The following SLC15A5 variants were observed in gnomAD, a reference collection of about 807,000 sequenced individuals.
SLC15A5 encodes Peptide/histidine transporter ENSP00000340402.
In SLC15A5, 58 loss-of-function variants were observed where a neutral mutation model predicts 56.1. The ratio of observed to expected loss-of-function variants is 1.03; its 90% CI spans 0.84 to 1.29. The LOEUF (loss-of-function observed/expected upper bound fraction) is 1.29, where lower values mean the gene tolerates loss of function less well. SLC15A5 is among the 50% of genes most tolerant of loss of function. The pLI is 0.00. For missense variants in SLC15A5, 681 were observed against 672.1 expected (o/e 1.01, Z -0.15); for synonymous variants, 264 against 250.5 (o/e 1.05, Z -0.51).
At chr12:16,218,935 A>T (rs1194327247) in intron 6 of SLC15A5, among the ~76,000 whole-genome samples, 1 of 152,150 alleles carries the variant, frequency 6.6e-6, no homozygotes, top group Non-Finnish European at 1.5e-5. Context: ...CTAACACATG[A>T]TGTAAATGTA....
At chr12:16,207,905 A>C (rs11056824) in intron 7 of SLC15A5, among the ~76,000 whole-genome samples, 6 of 151,892 alleles carry the variant, frequency 4.0e-5, no homozygotes, top group Non-Finnish European at 7.4e-5. Flanking sequence ...TGCCCACCTC[A>C]GCCTCCCAAA....
intron 6 of SLC15A5, among the ~76,000 whole-genome samples, chr12:16,218,523 C>T (rs1047653284): frequency 6.6e-6 from 1 of 152,154 alleles, no homozygotes; most frequent in Non-Finnish European, 1.5e-5. Context: ...TAGCCTACTA[C>T]ACACCTAGGC....
At chr12:16,221,435 A>G (rs1172926739) in intron 6 of SLC15A5, among the ~76,000 whole-genome samples, 1 of 152,198 alleles carries the variant, frequency 6.6e-6, no homozygotes, top group Non-Finnish European at 1.5e-5. Context: ...AACAGAGGAA[A>G]GGGAATTCTG....
intron 7 of SLC15A5, among the ~76,000 whole-genome samples, chr12:16,205,116 A>G (rs1591641033): frequency 6.6e-6 from 1 of 152,138 alleles, no homozygotes; most frequent in East Asian, 1.9e-4. Context: ...GGCCAAGAAT[A>G]TGACTAAGCA....
rs1565654531 is a variant in SLC15A5 at position 16,193,829 on chromosome 12, GAGAGAGAGAGAGAGA to G, written c.1592+501_1592+515del. 3.7e-3 allele frequency among the ~76,000 whole-genome samples: 456 copies of G among 124,742 alleles called. 12 individuals are homozygous for G. The highest frequency in any genetic ancestry group is 0.013 in the African/African-American group (427 of 33,594). The allele number at this position is 124,742 out of a possible 152,430, so 81.8% of individuals were successfully genotyped here. ...AGAGAGAGAGAGAGAGAGAGAGAGA[GAGAGAGAGAGAGAGA>G]GGCTGGCAATGGATGGGTGGATGGA... On this transcript the variant is annotated intron_variant, in intron 8 of 8. Transcript: ENST00000344941.
chr12:16,273,736 A>T (rs901744754), intron 1 of SLC15A5, among the ~76,000 whole-genome samples: 12 of 144,104 alleles, frequency 8.3e-5, no homozygotes, highest in Non-Finnish European at 1.4e-4. Flanking sequence ...AGTCAAATAA[A>T]TTTTTTTTTT....
intron 7 of SLC15A5, among the ~76,000 whole-genome samples, chr12:16,205,024 C>G (rs1864000116): frequency 6.6e-6 from 1 of 151,730 alleles, no homozygotes; most frequent in Non-Finnish European, 1.5e-5. Context: ...AAAATACTAG[C>G]AATAAATATG....
At chr12:16,212,960 T>G (rs1864097719) in intron 7 of SLC15A5, among the ~76,000 whole-genome samples, 1 of 152,256 alleles carries the variant, frequency 6.6e-6, no homozygotes, top group African/African-American at 2.4e-5. Flanking sequence ...AAAAAAAGTT[T>G]CAAATTTTAA....
intron 7 of SLC15A5, among the ~76,000 whole-genome samples, chr12:16,199,361 G>A (rs1427726108): frequency 1.4e-5 from 2 of 148,012 alleles, no homozygotes; most frequent in East Asian, 4.0e-4. Flanking sequence ...ACTATTTAGA[G>A]TAAGAGACAC....
intron 5 of SLC15A5, among the ~76,000 whole-genome samples, chr12:16,228,194 T>C (rs1409849321): frequency 2.0e-5 from 3 of 152,024 alleles, no homozygotes; most frequent in African/African-American, 4.8e-5. Flanking sequence ...GCTCAGGAAA[T>C]TGGGTGAATC....
At chr12:16,199,247 C>A (rs1863926652) in intron 7 of SLC15A5, among the ~76,000 whole-genome samples, 1 of 146,242 alleles carries the variant, frequency 6.8e-6, no homozygotes, top group Non-Finnish European at 1.5e-5. Context: ...TTTCCTTTCC[C>A]AGGCTGTGAG....
chr12:16,253,351 T>C (rs1864538142), intron 3 of SLC15A5, among the ~76,000 whole-genome samples: 1 of 152,014 alleles, frequency 6.6e-6, no homozygotes, highest in Non-Finnish European at 1.5e-5. Context: ...AGGCAACATA[T>C]GGAATGGGGG....
In SLC15A5 at chr12:16,269,760, C is replaced by T. The variant is rs1010869211; in HGVS notation, c.584+2801G>A. Among the ~76,000 whole-genome samples, 3 of 152,070 alleles carry T rather than the reference C, an allele frequency of 2.0e-5. No homozygotes were observed. Among genetic ancestry groups the T allele is most frequent in the Non-Finnish European group, 2.9e-5 (2 of 68,010 alleles). ...CATGTATATAATTCACCCTAGTAAC[C>T]CCTTAGCAACAGACTGTGATATGCA... On this transcript the variant is annotated intron_variant, in intron 2 of 8. Coordinates refer to ENST00000344941, the MANE Select transcript of SLC15A5 (RefSeq NM_001170798.1). The surrounding 1 kb of genome is among the most constrained non-coding windows in gnomAD (Gnocchi z 4.7).
chr12:16,256,825 C>T (rs527499530), intron 3 of SLC15A5, among the ~76,000 whole-genome samples: 12 of 149,664 alleles, frequency 8.0e-5, no homozygotes, highest in African/African-American at 2.2e-4. Flanking sequence ...CACCACTGCA[C>T]GCCAGCCTGG....
Position 16,189,719 on chromosome 12 carries a change from G to T in SLC15A5, c.1689C>A (p.Gly563=). Residue 563 remains glycine, a synonymous_variant, in exon 9 of 9, where the codon GGC becomes GGA. Transcript: ENST00000344941. ...LLHEKSLKFY[G]SIQEFSSSID... ...TACTTGAAGAAAATTCCTGTATACTGCCATAAAATTTCAGAGATTTTTCGT... is the reference window on the plus strand; with the variant it reads ...TACTTGAAGAAAATTCCTGTATACTTCCATAAAATTTCAGAGATTTTTCGT... 1 of 1,530,382 alleles carries T rather than the reference G, an allele frequency of 6.5e-7. No individual in the cohort carries two copies. Among genetic ancestry groups the T allele is most frequent in the South Asian group, 1.2e-5 (1 of 82,460 alleles). 94.8% of individuals were successfully genotyped at this position (1,530,382 alleles called of 1,614,324 possible).
intron 8 of SLC15A5, among the ~76,000 whole-genome samples, chr12:16,193,746 C>T (rs922367107): frequency 2.5e-5 from 3 of 119,476 alleles, no homozygotes; most frequent in African/African-American, 9.8e-5. Flanking sequence ...AGAATTTTCT[C>T]AAAAGTACAC....
At chr12:16,255,374 A>G (rs117407350) in intron 3 of SLC15A5, among the ~76,000 whole-genome samples, 3,476 of 152,262 alleles carry the variant, frequency 0.023, 69 homozygotes, top group Non-Finnish European at 0.037. Flanking sequence ...AGAAAAATGC[A>G]AATTTAAACC....
Position 16,194,374 on chromosome 12 carries a change from G to C in SLC15A5, c.1563C>G (p.Asn521Lys), listed in dbSNP as rs3942536. The change falls in exon 8 of 9, where the codon AAC (asparagine) becomes AAG (lysine). Residue 521 changes from asparagine (N) to lysine (K), a missense_variant. Coordinates refer to ENST00000344941, the MANE Select transcript of SLC15A5 (RefSeq NM_001170798.1). ...FFFLASLTLL[N>K]VLGFCSVSQR... The stretch of plus-strand genomic sequence containing the variant: ...GTGAAACACTGCAGAATCCCAGGAC[G>C]TTCAACAATGTTAATGATGCCAGGA... 2.1e-5 allele frequency: 32 copies of C among 1,534,108 alleles called. No individual in the cohort carries two copies. The highest frequency in any genetic ancestry group is 2.7e-5 in the Non-Finnish European group (31 of 1,144,828).
intron 1 of SLC15A5, among the ~76,000 whole-genome samples, chr12:16,275,623 A>T (rs1671486): frequency 0.27 from 41,636 of 151,818 alleles, 6,989 homozygotes; most frequent in African/African-American, 0.46. Flanking sequence ...TAACCTCTGA[A>T]ATTTAGTGAC....
Sources: allele counts gnomAD v4.1 joint callset (sites outside exome capture counted in the v4.1 genomes callset), GRCh38; gene constraint gnomAD v4.1.1; non-coding constraint Gnocchi (gnomAD v3.1); transcripts MANE v1.5; gene names NCBI Gene and HGNC (gene_info 2026-07-23, HGNC 2026-07-21).